The following UMODL1 variants were observed in gnomAD, a reference collection of about 807,000 sequenced individuals.
UMODL1 encodes the protein uromodulin like 1.
In UMODL1, 128 loss-of-function variants were observed where a neutral mutation model predicts 136.3. The ratio of observed to expected loss-of-function variants is 0.94; its 90% CI spans 0.81 to 1.09. UMODL1 has a LOEUF of 1.09. UMODL1 is among the 50% of genes least tolerant of loss of function. UMODL1 has a pLI of 0.00. For synonymous variants in UMODL1, 721 were observed against 720.0 expected, an observed-to-expected ratio of 1.00 and a Z score of -0.02; for missense variants, 1,766 against 1,725.6, an observed-to-expected ratio of 1.02 and a Z score of -0.41.
At chr21:42,073,191 C>T (rs79354182) in intron 1 of UMODL1, among the ~76,000 whole-genome samples, 5,917 of 152,264 alleles carry the variant, frequency 0.039, 215 homozygotes, top group East Asian at 0.2. Context: ...CGATGAAAAA[C>T]GCAAGCTAGA....
chr21:42,082,950 C>A (rs2066380084), intron 2 of UMODL1, among the ~76,000 whole-genome samples: 6 of 152,196 alleles, frequency 3.9e-5, no homozygotes, highest in Admixed American at 3.9e-4. Flanking sequence ...CCCACCGTGG[C>A]CTCCCCCTGC....
At chr21:42,103,486 A>G in intron 8 of UMODL1, 1 of 367,296 alleles carries the variant, frequency 2.7e-6, no homozygotes, top group Non-Finnish European at 5.4e-6. Flanking sequence ...AAATAGCCAT[A>G]GGCATTGTTC....
At chr21:42,137,971 A>G (rs1000337546) in intron 22 of UMODL1, among the ~76,000 whole-genome samples, 6 of 152,036 alleles carry the variant, frequency 3.9e-5, no homozygotes, top group African/African-American at 1.5e-4. Flanking sequence ...AGGAGCAGGC[A>G]GAGAGGGGAA....
rs2067225593 is a variant in UMODL1 at position 42,137,658 on chromosome 21, G to A, written c.*21+17G>A. ...GACAGGAAGGTGGGTGCGGAGTGGG[G>A]TGGGAGGTGCAGGCTGACAGGAAGG... is the stretch of plus-strand genomic sequence containing the variant. On this transcript the variant is annotated intron_variant, in intron 22 of 22. Coordinates refer to ENST00000408910, the MANE Select transcript of UMODL1 (RefSeq NM_001004416.3). 1.6e-6 allele frequency: 1 copy of A among 631,048 alleles called. No homozygotes were observed. Among genetic ancestry groups the A allele is most frequent in the Non-Finnish European group, 2.2e-6 (1 of 461,348 alleles). The allele number at this position is 631,048 out of a possible 1,614,324, so 39.1% of individuals were successfully genotyped here.
chr21:42,075,602 C>T (rs546150686), intron 1 of UMODL1, among the ~76,000 whole-genome samples: 17 of 152,310 alleles, frequency 1.1e-4, no homozygotes, highest in African/African-American at 3.4e-4. Flanking sequence ...CGAGATTCTA[C>T]GGCCTGTGGA....
intron 6 of UMODL1, among the ~76,000 whole-genome samples, chr21:42,092,741 C>A (rs976677229): frequency 1.3e-5 from 2 of 152,232 alleles, no homozygotes; most frequent in Non-Finnish European, 2.9e-5. Flanking sequence ...AATAACACCA[C>A]AGCTGGCAGT....
Position 42,088,453 on chromosome 21 carries a change from T to C in UMODL1, c.763T>C (p.Tyr255His). ...GCTGGGTGACATTGCGAAGCGTGTC[T>C]ATGAAGTGATCAGCGTCCAGGTGCA... ...TLLGDIAKRV[Y>H]EVISVQVQDV... The change falls in exon 5 of 23, where the codon TAT becomes CAT. Residue 255 changes from tyrosine (Y) to histidine (H), a missense_variant. Transcript: ENST00000408910. The C allele has an allele frequency of 6.2e-7, 1 of 1,607,320 alleles. No individual in the cohort carries two copies. The highest frequency in any genetic ancestry group is 8.5e-7 in the Non-Finnish European group (1 of 1,174,274).
chr21:42,103,917 A>G lies in UMODL1; in HGVS notation c.1349A>G (p.Lys450Arg), dbSNP rs2066674413. Residue 450 changes from lysine to arginine, a missense_variant, in exon 9 of 23, where the codon AAG (lysine) becomes AGG (arginine). Coordinates refer to ENST00000408910, the MANE Select transcript of UMODL1 (RefSeq NM_001004416.3). ...GTGTCTGACTTGTACCGAAGTGGGA[A>G]GCTGAGAATGCAGATCGTGTCTCTC... Reference protein sequence around the residue: ...PVVSDLYRSGKLRMQIVSLQA... With the variant: ...PVVSDLYRSGRLRMQIVSLQA... 3.7e-6 allele frequency: 6 copies of G among 1,614,130 alleles called. No individual in the cohort carries two copies. The highest frequency in any genetic ancestry group is 5.1e-6 in the Non-Finnish European group (6 of 1,180,030).
chr21:42,104,274 T>C (rs1446604062), intron 9 of UMODL1, among the ~76,000 whole-genome samples, 187 bp downstream of exon 9: 1 of 152,088 alleles, frequency 6.6e-6, no homozygotes, highest in East Asian at 1.9e-4. Context: ...CTGTGTCTCA[T>C]TGGTCAGCCC....
chr21:42,074,520 T>C (rs941116046), intron 1 of UMODL1, among the ~76,000 whole-genome samples: 1 of 152,182 alleles, frequency 6.6e-6, no homozygotes, highest in East Asian at 1.9e-4. Flanking sequence ...GGGATGTCCA[T>C]GACCAAAGAG....
At chr21:42,093,238 G>A (rs971479347) in intron 6 of UMODL1, among the ~76,000 whole-genome samples, 9 of 152,216 alleles carry the variant, frequency 5.9e-5, no homozygotes, top group African/African-American at 1.9e-4. Context: ...ATAGAGACAG[G>A]GTCTTACTCT....
chr21:42,100,184 C>G (rs2066609522), intron 7 of UMODL1, among the ~76,000 whole-genome samples: 1 of 152,176 alleles, frequency 6.6e-6, no homozygotes, highest in Admixed American at 6.5e-5. Flanking sequence ...CATTCTGGTT[C>G]TGGGTTCCGA....
Position 42,071,923 on chromosome 21 carries a change from T to C in UMODL1, c.76+531T>C, listed in dbSNP as rs148003071. On this transcript the variant is annotated intron_variant, in intron 1 of 22. Coordinates refer to ENST00000408910, the MANE Select transcript of UMODL1 (RefSeq NM_001004416.3). ...ATTAGCCAGCCATGGTGGTGCACAC[T>C]TGTGGTCCCAGCTACACAGGAGGCT... Among the ~76,000 whole-genome samples the C allele has an allele frequency of 6.3e-3, 940 of 149,762 alleles. 8 individuals carry two copies. The highest frequency in any genetic ancestry group is 0.022 in the African/African-American group (897 of 40,944).
intron 2 of UMODL1, among the ~76,000 whole-genome samples, chr21:42,083,830 C>T (rs190412944): frequency 6.6e-6 from 1 of 152,314 alleles, no homozygotes; most frequent in African/African-American, 2.4e-5. Context: ...ACTTCTGAGG[C>T]CTAGAGGAAA....
chr21:42,078,112 A>G (rs1347322871), intron 2 of UMODL1, among the ~76,000 whole-genome samples: 1 of 152,226 alleles, frequency 6.6e-6, no homozygotes, highest in Admixed American at 6.5e-5. Flanking sequence ...CAATACCACC[A>G]TAACCAACAC....
chr21:42,105,654 A>G (rs2066704719), intron 9 of UMODL1, among the ~76,000 whole-genome samples: 1 of 152,206 alleles, frequency 6.6e-6, no homozygotes, highest in Non-Finnish European at 1.5e-5. Flanking sequence ...CACAGAGGCC[A>G]AGATTGGAGT....
At chr21:42,101,442 TG>T (rs1033798073) in intron 7 of UMODL1, among the ~76,000 whole-genome samples, 1 of 152,206 alleles carries the variant, frequency 6.6e-6, no homozygotes, top group Non-Finnish European at 1.5e-5. Flanking sequence ...TGACACACTC[TG>T]ATGGCCCGTA....
intron 17 of UMODL1, among the ~76,000 whole-genome samples, chr21:42,126,011 T>C (rs2123360732): frequency 6.6e-6 from 1 of 152,350 alleles, no homozygotes; most frequent in East Asian, 1.9e-4. Context: ...TTGTCTCTGA[T>C]GACTCACCCA....
intron 1 of UMODL1, among the ~76,000 whole-genome samples, chr21:42,063,822 C>G (rs2066161155): frequency 6.6e-6 from 1 of 152,152 alleles, no homozygotes; most frequent in Non-Finnish European, 1.5e-5. Flanking sequence ...AGCAGGAAGC[C>G]CTTTCGGAAG....
Sources: allele counts gnomAD v4.1 joint callset (sites outside exome capture counted in the v4.1 genomes callset), GRCh38; gene constraint gnomAD v4.1.1; transcripts MANE v1.5; gene names NCBI Gene and HGNC (gene_info 2026-07-23, HGNC 2026-07-21).